C1orf94: variants seen among roughly 807,000 people sequenced by gnomAD.
C1orf94 encodes chromosome 1 open reading frame 94.
A neutral mutation model predicts 53.6 loss-of-function variants in C1orf94; 45 were observed. The observed-to-expected ratio is 0.84, with a 90% CI of 0.66 to 1.08. C1orf94 has a LOEUF of 1.08. Ranked by LOEUF, C1orf94 falls within the 50% of genes least tolerant of loss-of-function variation. The probability of loss-of-function intolerance (pLI) is 0.00; values close to 1 mark genes in which losing one functional copy is unlikely to be tolerated. For missense variants in C1orf94, 762 were observed against 738.9 expected, an observed-to-expected ratio of 1.03 and a Z score of -0.36; for synonymous variants, 304 against 296.1, an observed-to-expected ratio of 1.03 and a Z score of -0.27.
chr1:34,191,508 C>A (rs1202266006), intron 1 of C1orf94, among the ~76,000 whole-genome samples: 1 of 152,046 alleles, frequency 6.6e-6, no homozygotes, highest in Admixed American at 6.6e-5. Flanking sequence ...CTGCTCTACC[C>A]ACATAGACAC....
At chr1:34,171,636 AC>A (rs1642146832) in intron 1 of C1orf94, among the ~76,000 whole-genome samples, 1 of 152,160 alleles carries the variant, frequency 6.6e-6, no homozygotes, top group South Asian at 2.1e-4. Context: ...AAACTGACGA[AC>A]CTAACAGCAT....
At chr1:34,175,626 G>T (rs1463977011), upstream of C1orf94, among the ~76,000 whole-genome samples, 1 of 152,088 alleles carries the variant, frequency 6.6e-6, no homozygotes, top group Non-Finnish European at 1.5e-5. Flanking sequence ...TAAAGAGCAA[G>T]GTTGCGTATT....
rs1046731849 is a variant in C1orf94 at position 34,197,050 on chromosome 1, C to T, written c.321-175C>T. ...CCATGCTCTCAGTGCTGCATCCTAC[C>T]GCTGTGGTATAGGACCCTCTGGGGG... On this transcript the variant is annotated intron_variant, in intron 1 of 6. Coordinates refer to ENST00000488417, the MANE Select transcript of C1orf94 (RefSeq NM_001134734.2). The surrounding 1 kb of genome is among the most constrained non-coding windows in gnomAD (Gnocchi z 4.1). Among the ~76,000 whole-genome samples, 1 of 152,180 alleles carries T rather than the reference C, an allele frequency of 6.6e-6. No individual in the cohort carries two copies. The highest frequency in any genetic ancestry group is 1.5e-5 in the Non-Finnish European group (1 of 68,024).
chr1:34,173,076 T>C (rs1266431837), upstream of C1orf94, among the ~76,000 whole-genome samples: 5 of 152,186 alleles, frequency 3.3e-5, no homozygotes, highest in Admixed American at 3.3e-4. Flanking sequence ...AAATGCAGAG[T>C]ATAACATTAT....
upstream of C1orf94, among the ~76,000 whole-genome samples, chr1:34,176,418 GC>G (rs1234452511): frequency 2.0e-5 from 3 of 152,006 alleles, no homozygotes; most frequent in Non-Finnish European, 2.9e-5. Flanking sequence ...GAGGGTAGGG[GC>G]CTGTTGATCA....
At chr1:34,183,688 T>C (rs1381759889) in intron 1 of C1orf94, among the ~76,000 whole-genome samples, 10 of 152,060 alleles carry the variant, frequency 6.6e-5, no homozygotes, top group Non-Finnish European at 1.2e-4. Context: ...AAACCCTGTC[T>C]CTACTAAAAA....
At chr1:34,167,026 ACTC>A (rs1642037688) in exon 1 of C1orf94, 5 of 152,076 alleles carry the variant, frequency 3.3e-5, no homozygotes, top group African/African-American at 7.3e-5. Context: ...AGCAGCCAGA[ACTC>A]CTCAGTGAAA....
At chr1:34,196,798 C>T (rs1642593742) in intron 1 of C1orf94, among the ~76,000 whole-genome samples, 1 of 152,174 alleles carries the variant, frequency 6.6e-6, no homozygotes, top group Non-Finnish European at 1.5e-5. Flanking sequence ...GGGCTCAGCC[C>T]CAGCACCCTA....
At chr1:34,167,629 C>T in intron 1 of C1orf94, among the ~76,000 whole-genome samples, 1 of 43,226 alleles carries the variant, frequency 2.3e-5, no homozygotes, top group East Asian at 4.3e-4. Flanking sequence ...GCTCGGGGGC[C>T]CTGAGCGAGG....
chr1:34,175,332 G>A (rs970764784), upstream of C1orf94, among the ~76,000 whole-genome samples: 1 of 152,036 alleles, frequency 6.6e-6, no homozygotes, highest in Non-Finnish European at 1.5e-5. Flanking sequence ...AGGGTCGTTG[G>A]CGTTCTGCTC....
intron 6 of C1orf94, among the ~76,000 whole-genome samples, chr1:34,217,841 C>A (rs1334755786): frequency 2.6e-5 from 4 of 152,186 alleles, no homozygotes; most frequent in Non-Finnish European, 5.9e-5. Flanking sequence ...GATTGAGAAT[C>A]CCAGGATTAG....
At chr1:34,193,334 C>T (rs116565397) in intron 1 of C1orf94, among the ~76,000 whole-genome samples, 10 of 152,154 alleles carry the variant, frequency 6.6e-5, no homozygotes, top group South Asian at 2.1e-4. Context: ...TGTAAATTGG[C>T]GGAAGACTCA....
chr1:34,197,182 T>G lies in C1orf94; in HGVS notation c.321-43T>G. 1.6e-5 allele frequency: 23 copies of G among 1,459,602 alleles called. No individual in the cohort carries two copies. Among genetic ancestry groups the G allele is most frequent in the East Asian group, 2.5e-5 (1 of 40,042 alleles). 90.4% of individuals were successfully genotyped at this position (1,459,602 alleles called of 1,614,324 possible). A position where few individuals can be genotyped will look rare whatever the true frequency, so the allele number is the denominator to read the frequency against. On this transcript the variant is annotated intron_variant, in intron 1 of 6. Coordinates refer to ENST00000488417, the MANE Select transcript of C1orf94 (RefSeq NM_001134734.2). The surrounding 1 kb of genome is among the most constrained non-coding windows in gnomAD (Gnocchi z 4.1). ...GTCCTTCTGCAAAGCCACGCCTTGG[T>G]GAGCTGGCACTAACACCGTCTGTCT...
chr1:34,178,008 T>C lies in C1orf94; in HGVS notation c.219T>C (p.Val73=). The C allele has an allele frequency of 1.9e-6, 3 of 1,551,702 alleles. No individual in the cohort carries two copies. Among genetic ancestry groups the C allele is most frequent in the South Asian group, 1.2e-5 (1 of 84,060 alleles). The change falls in exon 1 of 7, where the codon GTT becomes GTC. Residue 73 remains valine (V), a synonymous_variant. Transcript: ENST00000488417. ...DKTCHEIWKR[V]QGLPEASQPW... is the part of the protein sequence containing the mutation. The stretch of plus-strand genomic sequence containing the variant: ...CTTGCCATGAAATCTGGAAGAGAGT[T>C]CAAGGCCTGCCTGAGGCCTCACAGC...
chr1:34,177,383 T>G lies in C1orf94; in HGVS notation c.-407T>G, dbSNP rs531581230. Among the ~76,000 whole-genome samples, 223 of 152,234 alleles carry G rather than the reference T, an allele frequency of 1.5e-3. No individual in the cohort carries two copies. The highest frequency in any genetic ancestry group is 2.8e-3 in the Non-Finnish European group (188 of 67,996). ...CTCCGCGTGGCTTAGCGGGACAGCA[T>G]GGGCTGAGCCCAGGCGCCGAAAGTT... On this transcript the variant is annotated 5_prime_UTR_variant, in exon 1 of 7. It removes an upstream start codon present in the reference 5' UTR. Transcript: ENST00000488417.
intron 6 of C1orf94, among the ~76,000 whole-genome samples, chr1:34,216,022 A>G (rs12732262): frequency 0.72 from 109,360 of 151,818 alleles, 39,479 homozygotes; most frequent in East Asian, 0.8. Flanking sequence ...AAAACAAAAT[A>G]AAACAAACAA....
rs1571344363 is a variant in C1orf94 at position 34,197,977 on chromosome 1, A to G, written c.1009+64A>G. The G allele has an allele frequency of 3.4e-6, 5 of 1,471,322 alleles. No individual in the cohort carries two copies. The highest frequency in any genetic ancestry group is 2.7e-5 in the South Asian group (2 of 75,082). The allele number at this position is 1,471,322 out of a possible 1,614,324, so 91.1% of individuals were successfully genotyped here. ...GGAGGAGGTCCTTCCCAGGAAGCCA[A>G]TCAGGGCTGCAGCATGTACATAAAG... On this transcript the variant is annotated intron_variant, in intron 2 of 6. Coordinates refer to ENST00000488417, the MANE Select transcript of C1orf94 (RefSeq NM_001134734.2). The surrounding 1 kb of genome is among the most constrained non-coding windows in gnomAD (Gnocchi z 4.1).
In C1orf94 at chr1:34,177,348, G is replaced by T. The variant is rs1015641261; in HGVS notation, c.-442G>T. The stretch of plus-strand genomic sequence containing the variant: ...GAGTGCCTACAATGGTGCCAGGCCC[G>T]CACCCAGTCCTCCGCGTGGCTTAGC... On this transcript the variant is annotated 5_prime_UTR_variant, in exon 1 of 7. Transcript: ENST00000488417. Among the ~76,000 whole-genome samples, 1 of 152,198 alleles carries T rather than the reference G, an allele frequency of 6.6e-6. No homozygotes were observed. Among genetic ancestry groups the T allele is most frequent in the Non-Finnish European group, 1.5e-5 (1 of 68,028 alleles).
rs1028160788 is a variant in C1orf94 at position 34,212,402 on chromosome 1, T to C, written c.1717T>C (p.Tyr573His). 5.6e-6 allele frequency: 9 copies of C among 1,607,746 alleles called. No homozygotes were observed. Among genetic ancestry groups the C allele is most frequent in the South Asian group, 2.2e-5 (2 of 90,548 alleles). ...DGPQYLFPQGYGFGSTSGGPL... is the reference protein window; with the variant it reads ...DGPQYLFPQGHGFGSTSGGPL... ...ACCGCAGTACCTCTTTCCCCAAGGA[T>C]ATGGGTGAGTCAGCCCACACTGGGA... Residue 573 changes from tyrosine to histidine, a missense_variant, in exon 6 of 7, where the codon TAT (tyrosine) becomes CAT (histidine). Coordinates refer to ENST00000488417, the MANE Select transcript of C1orf94 (RefSeq NM_001134734.2).
Sources: gnomAD v4.1 joint callset for allele counts (sites outside exome capture counted in the v4.1 genomes callset) on GRCh38, gnomAD v4.1.1 for gene constraint, Gnocchi (gnomAD v3.1) non-coding constraint, MANE v1.5 for transcripts, NCBI Gene and HGNC (gene_info 2026-07-23, HGNC 2026-07-21) for gene names.